Variants in RARS1 observed in about 807,000 individuals in gnomAD.
RARS1 encodes arginyl-tRNA synthetase 1.
A neutral mutation model predicts 78.7 loss-of-function variants in RARS1; 75 were observed. That is an observed-to-expected ratio of 0.95 (90% CI 0.79 to 1.15). The LOEUF (loss-of-function observed/expected upper bound fraction) is 1.15, where lower values mean the gene tolerates loss of function less well. RARS1 is among the 50% of genes most tolerant of loss of function. The probability of loss-of-function intolerance (pLI) is 0.00; values close to 1 mark genes in which losing one functional copy is unlikely to be tolerated. For synonymous variants in RARS1, 273 were observed against 268.2 expected, an observed-to-expected ratio of 1.02 and a Z score of -0.18; for missense variants, 787 against 787.5, an observed-to-expected ratio of 1.00 and a Z score of 0.01.
At chr5:168,501,907 T>C (rs937907576) in intron 8 of RARS1, 94 bp from the exon 9 acceptor site, 2 of 1,461,938 alleles carry the variant, frequency 1.4e-6, no homozygotes, top group Middle Eastern at 2.5e-4. Flanking sequence ...TTAATATTTG[T>C]ATTAATAAAT....
intron 12 of RARS1, among the ~76,000 whole-genome samples, chr5:168,515,637 A>G (rs1011534306): frequency 7.9e-5 from 12 of 152,174 alleles, no homozygotes; most frequent in African/African-American, 1.7e-4. Flanking sequence ...TATTGGCCTT[A>G]TGCTTCTTTA....
intron 1 of RARS1, among the ~76,000 whole-genome samples, chr5:168,487,191 T>G (rs1331801144): frequency 6.6e-6 from 1 of 150,862 alleles, no homozygotes; most frequent in Non-Finnish European, 1.5e-5. Context: ...TGAAACTCCG[T>G]CTCTACTGAA....
rs946950962 is a variant in RARS1, at chr5:168,510,907, T to C, written c.1452+221T>C. On this transcript the variant is annotated intron_variant, in intron 12 of 14. Coordinates refer to ENST00000231572, the MANE Select transcript of RARS1 (RefSeq NM_002887.4). ...ATTAAAAAAGACCTTGGCTTTTTCC[T>C]CCTTTGTTAATGTAGCTTAGTATCC... Among the ~76,000 whole-genome samples the C allele has an allele frequency of 2.6e-5, 4 of 152,248 alleles. No homozygotes were observed. In the East Asian group the frequency reaches 7.7e-4, roughly 29 times the overall value.
Position 168,514,000 on chromosome 5 carries a change from A to G in RARS1, c.1453-2778A>G, listed in dbSNP as rs937610739. ...ACATTCCACAGAACTGGAGAGGACC[A>G]GTGGGGCTGAGGGAGGAAATAAATA... is the stretch of plus-strand genomic sequence containing the variant. On this transcript the variant is annotated intron_variant, in intron 12 of 14. Transcript: ENST00000231572. Among the ~76,000 whole-genome samples the G allele has an allele frequency of 2.6e-5, 4 of 152,220 alleles. No homozygotes were observed. In the East Asian group the frequency reaches 7.7e-4, roughly 29 times the overall value.
intron 9 of RARS1, among the ~76,000 whole-genome samples, chr5:168,504,812 G>A (rs1758403934): frequency 2.0e-5 from 3 of 151,544 alleles, no homozygotes; most frequent in South Asian, 2.1e-4. Context: ...ATGACAGAGC[G>A]AGACTCCGTC....
chr5:168,495,527 ACATTCGACTAAAT>A (rs1758168817), intron 6 of RARS1, 91 bp downstream of exon 6: 2 of 1,486,084 alleles, frequency 1.3e-6, no homozygotes, highest in African/African-American at 2.8e-5. Context: ...TCAAGAAAGA[ACATTCGACTAAAT>A]CAGTGGTTCA....
At chr5:168,486,606 C>CTTTTTT in intron 1 of RARS1, 63 bp downstream of exon 1, 1 of 1,526,866 alleles carries the variant, frequency 6.5e-7, no homozygotes, top group Non-Finnish European at 8.9e-7. Flanking sequence ...GACTCCTGCC[C>CTTTTTT]AAGCGGCTTC....
intron 6 of RARS1, among the ~76,000 whole-genome samples, chr5:168,495,991 A>G (rs963201383): frequency 2.0e-5 from 3 of 152,236 alleles, no homozygotes; most frequent in African/African-American, 7.2e-5. Flanking sequence ...TCTATTTTTT[A>G]TATTTTTAAA....
chr5:168,494,039 G>A, intron 4 of RARS1, 37 bp downstream of exon 4: 1 of 1,525,748 alleles, frequency 6.6e-7, no homozygotes, highest in Non-Finnish European at 9.0e-7. Flanking sequence ...TAGTTGTATT[G>A]AACATGAGTC....
In RARS1 at chr5:168,519,108, GTATGCTGCT is replaced by G. The variant is rs777237208; in HGVS notation, c.1902_1910del (p.Met635_Leu637del). The stretch of plus-strand genomic sequence containing the variant: ...AAAATATTGAAGGTGAACATGTGGC[GTATGCTGCT>G]ATGTGAAGCAGTAGCTGCTGTCATG... On this transcript the variant is annotated inframe_deletion, in exon 15 of 15. Transcript: ENST00000231572. The G allele has an allele frequency of 3.7e-6, 6 of 1,613,508 alleles. No individual in the cohort carries two copies. The highest frequency in any genetic ancestry group is 5.1e-6 in the Non-Finnish European group (6 of 1,179,790).
At chr5:168,507,326 CTTTTCTA>C in intron 11 of RARS1, among the ~76,000 whole-genome samples, 1 of 152,240 alleles carries the variant, frequency 6.6e-6, no homozygotes, top group South Asian at 2.1e-4. Context: ...ATACTTTCAG[CTTTTCTA>C]TTTTCTAATT....
chr5:168,494,693 T>C, intron 5 of RARS1, 43 bp downstream of exon 5: 1 of 1,339,048 alleles, frequency 7.5e-7, no homozygotes, highest in South Asian at 1.2e-5. Context: ...ATCTTAGAAC[T>C]GCGTGGAACC....
chr5:168,510,775 G>A, intron 12 of RARS1, 89 bp downstream of exon 12: 1 of 877,200 alleles, frequency 1.1e-6, no homozygotes, highest in South Asian at 1.8e-5. Context: ...AGAAGTGTGA[G>A]GAGTCAGTCC....
chr5:168,508,436 A>T (rs1758493106), intron 11 of RARS1, among the ~76,000 whole-genome samples: 1 of 151,680 alleles, frequency 6.6e-6, no homozygotes, highest in Non-Finnish European at 1.5e-5. Flanking sequence ...CCTGGCCAAC[A>T]TGGTGAAACC....
chr5:168,489,658 G>T (rs1758041338), intron 2 of RARS1, among the ~76,000 whole-genome samples: 1 of 152,122 alleles, frequency 6.6e-6, no homozygotes, highest in Admixed American at 6.5e-5. Context: ...ACATATCCCA[G>T]AGTGTTGACC....
At chr5:168,497,521 ACTT>A (rs1336301717) in intron 7 of RARS1, among the ~76,000 whole-genome samples, 173 bp downstream of exon 7, 6 of 147,100 alleles carry the variant, frequency 4.1e-5, no homozygotes, top group Non-Finnish European at 9.2e-5. Flanking sequence ...AACTTAAACT[ACTT>A]TTTTTTTTGT....
chr5:168,518,209 G>A lies in RARS1; in HGVS notation c.1873+147G>A, dbSNP rs1168184182. 10 of 1,010,218 alleles carry A rather than the reference G, an allele frequency of 9.9e-6. No homozygotes were observed. In the Admixed American group the frequency reaches 1.5e-4, roughly 15 times the overall value. 62.6% of individuals were successfully genotyped at this position (1,010,218 alleles called of 1,614,324 possible). ...AGTGATTCTCCCACTTGAGCCTCCC[G>A]AATGGCTGGACTTACACACGTGTGA... On this transcript the variant is annotated intron_variant, in intron 14 of 14. Transcript: ENST00000231572.
chr5:168,495,126 C>A (rs2305729), intron 5 of RARS1, 189 bp from the exon 6 acceptor site: 5 of 938,728 alleles, frequency 5.3e-6, no homozygotes, highest in South Asian at 4.6e-5. Flanking sequence ...TAAAAATATA[C>A]AAGCAGATCC....
rs1239465796 is a variant in RARS1, at chr5:168,500,699, A to G, written c.931A>G (p.Ile311Val). The G allele has an allele frequency of 1.2e-6, 2 of 1,611,482 alleles. No homozygotes were observed. The highest frequency in any genetic ancestry group is 1.7e-6 in the Non-Finnish European group (2 of 1,179,304). The change falls in exon 8 of 15, where the codon ATC becomes GTC. Residue 311 changes from isoleucine (I) to valine (V), a missense_variant. By Grantham distance (29) the Ile-to-Val change is conservative (BLOSUM62 3). Coordinates refer to ENST00000231572, the MANE Select transcript of RARS1 (RefSeq NM_002887.4). ...NPDITKAWKL[I>V]CDVSRQELNK... is the part of the protein sequence containing the mutation. ...AGATATTACAAAAGCTTGGAAGCTT[A>G]TCTGTGATGTCTCCCGCCAAGGTGA...
Sources: allele counts gnomAD v4.1 joint callset (sites outside exome capture counted in the v4.1 genomes callset), GRCh38; gene constraint gnomAD v4.1.1; transcripts MANE v1.5; gene names NCBI Gene and HGNC (gene_info 2026-07-23, HGNC 2026-07-21).